The following ROBO2 variants were observed in gnomAD, a reference collection of about 807,000 sequenced individuals.
ROBO2 encodes roundabout guidance receptor 2, also known as roundabout homolog 2.
A neutral mutation model predicts 160.8 loss-of-function variants in ROBO2; 53 were observed. That is an observed-to-expected ratio of 0.33 (90% CI 0.26 to 0.41). The LOEUF (loss-of-function observed/expected upper bound fraction) is 0.41. ROBO2 is among the 10% of genes least tolerant of loss of function. The pLI is 1.00. For missense variants in ROBO2, 1,577 were observed against 1,722.4 expected (o/e 0.92, Z 1.49); for synonymous variants, 664 against 611.7 (o/e 1.09, Z -1.26).
intron 2 of ROBO2, among the ~76,000 whole-genome samples, chr3:76,833,384 A>C (rs190241275): frequency 6.6e-6 from 1 of 152,212 alleles, no homozygotes; most frequent in African/African-American, 2.4e-5. Flanking sequence ...AAGGTGTCAG[A>C]TATTTCAGCA....
exon 26 of ROBO2, chr3:77,649,363 T>C (rs2095433791): frequency 6.6e-6 from 1 of 152,186 alleles, no homozygotes; most frequent in Admixed American, 6.6e-5. Flanking sequence ...CCTCTCAATT[T>C]CTATTCAATA....
At chr3:76,628,802 A>C (rs1020269254) in intron 2 of ROBO2, among the ~76,000 whole-genome samples, 1 of 152,156 alleles carries the variant, frequency 6.6e-6, no homozygotes, top group African/African-American at 2.4e-5. Flanking sequence ...TCAGTTTTCC[A>C]ATTTGTAGTC....
At chr3:76,916,071 T>G (rs1483966383) in intron 2 of ROBO2, among the ~76,000 whole-genome samples, 1 of 151,960 alleles carries the variant, frequency 6.6e-6, no homozygotes, top group East Asian at 1.9e-4. Context: ...AGATGGAGGG[T>G]TAGGGTTTCA....
At chr3:76,004,263 T>A (rs1403631341) in intron 2 of ROBO2, among the ~76,000 whole-genome samples, 2 of 152,070 alleles carry the variant, frequency 1.3e-5, no homozygotes, top group Non-Finnish European at 2.9e-5. Context: ...TTAAGTAAAC[T>A]CAATAAAAAA....
intron 2 of ROBO2, among the ~76,000 whole-genome samples, chr3:76,635,471 G>A (rs891914456): frequency 6.6e-6 from 1 of 152,152 alleles, no homozygotes; most frequent in Non-Finnish European, 1.5e-5. Flanking sequence ...TAGGAATGCC[G>A]GAAGAACTGA....
At chr3:77,332,589 TAAC>T (rs1349595223) in intron 2 of ROBO2, among the ~76,000 whole-genome samples, 5 of 152,186 alleles carry the variant, frequency 3.3e-5, no homozygotes, top group Non-Finnish European at 5.9e-5. Context: ...ATAGCATAAA[TAAC>T]TACATAACAT....
At chr3:76,801,695 G>C (rs950992895) in intron 2 of ROBO2, among the ~76,000 whole-genome samples, 1 of 152,110 alleles carries the variant, frequency 6.6e-6, no homozygotes, top group African/African-American at 2.4e-5. Flanking sequence ...GTATTCACTG[G>C]AGTAGCACTT....
chr3:76,984,988 T>C (rs1420883012), intron 2 of ROBO2, among the ~76,000 whole-genome samples: 3 of 152,116 alleles, frequency 2.0e-5, no homozygotes, highest in Admixed American at 6.6e-5. Flanking sequence ...TCAGAATTAT[T>C]GTCAAAATAG....
At chr3:76,540,062 C>A (rs144412266) in intron 2 of ROBO2, among the ~76,000 whole-genome samples, 141 of 152,102 alleles carry the variant, frequency 9.3e-4, no homozygotes, top group African/African-American at 3.3e-3. Flanking sequence ...TTTAATGGTA[C>A]TTACTTGCCT....
chr3:76,369,192 A>G (rs2108464443), intron 2 of ROBO2, among the ~76,000 whole-genome samples: 1 of 152,054 alleles, frequency 6.6e-6, no homozygotes, highest in Admixed American at 6.6e-5. Flanking sequence ...AATTCTGAAC[A>G]CAATGAACCT....
At chr3:77,615,375 A>G (rs2094124186) in intron 21 of ROBO2, among the ~76,000 whole-genome samples, 1 of 152,126 alleles carries the variant, frequency 6.6e-6, no homozygotes, top group African/African-American at 2.4e-5. Flanking sequence ...AGTTTACATT[A>G]GGGTTCTCTC....
intron 2 of ROBO2, among the ~76,000 whole-genome samples, chr3:75,977,724 T>C (rs1201551644): frequency 6.6e-6 from 1 of 151,520 alleles, no homozygotes; most frequent in African/African-American, 2.4e-5. Context: ...AGCATATACT[T>C]TGTACTCTTC....
intron 2 of ROBO2, among the ~76,000 whole-genome samples, chr3:76,405,065 A>G (rs2078051602): frequency 6.6e-6 from 1 of 151,504 alleles, no homozygotes; most frequent in African/African-American, 2.4e-5. Flanking sequence ...GTGTGGAGGG[A>G]AATATGAGTG....
intron 2 of ROBO2, among the ~76,000 whole-genome samples, chr3:77,268,169 C>A (rs2059257511): frequency 6.6e-6 from 1 of 152,184 alleles, no homozygotes; most frequent in African/African-American, 2.4e-5. Context: ...ACTGTTAATA[C>A]ACCACACTAG....
rs370218966 is a variant in ROBO2, at chr3:77,574,539, T to C, written c.2012T>C (p.Met671Thr). The change falls in exon 14 of 26, where the codon ATG (methionine) becomes ACG (threonine). Residue 671 changes from methionine (M) to threonine (T), a missense_variant. By Grantham distance (81) the Met-to-Thr change is moderately conservative. Coordinates refer to ENST00000461745, the Ensembl canonical transcript of ROBO2. ...CAGTTTATCCAAGGCTACCGAGTGA[T>C]GTATCGTCAGACTTCAGGTCTGCAG... 1.4e-5 allele frequency: 22 copies of C among 1,613,424 alleles called. No individual in the cohort carries two copies. Among genetic ancestry groups the C allele is most frequent in the Non-Finnish European group, 1.9e-5 (22 of 1,179,566 alleles).
At chr3:76,783,895 T>G (rs911151469) in intron 2 of ROBO2, among the ~76,000 whole-genome samples, 2 of 151,086 alleles carry the variant, frequency 1.3e-5, no homozygotes, top group Non-Finnish European at 3.0e-5. Context: ...ATCATCAGCT[T>G]TCTTTACTCT....
intron 2 of ROBO2, among the ~76,000 whole-genome samples, chr3:76,942,717 A>G (rs970963402): frequency 3.9e-5 from 6 of 152,154 alleles, no homozygotes; most frequent in Non-Finnish European, 8.8e-5. Flanking sequence ...TTCTGATTCC[A>G]ACTACTATTG....
At chr3:77,103,390 G>T in intron 2 of ROBO2, among the ~76,000 whole-genome samples, 1 of 147,938 alleles carries the variant, frequency 6.8e-6, no homozygotes, top group East Asian at 2.0e-4. Context: ...AAGGTCAGGG[G>T]TCACATAGAA....
intron 2 of ROBO2, among the ~76,000 whole-genome samples, chr3:77,184,093 A>G (rs1448364134): frequency 6.6e-6 from 1 of 152,086 alleles, no homozygotes; most frequent in African/African-American, 2.4e-5. Flanking sequence ...GAGCATGTTT[A>G]TAAGATGGTT....
Sources: gnomAD v4.1 joint callset for allele counts (sites outside exome capture counted in the v4.1 genomes callset) on GRCh38, gnomAD v4.1.1 for gene constraint, MANE v1.5 for transcripts, NCBI Gene and HGNC (gene_info 2026-07-23, HGNC 2026-07-21) for gene names.